Variants in ARHGAP39 observed in about 807,000 individuals in gnomAD.
ARHGAP39 encodes the protein rho GTPase-activating protein 39.
Under a neutral mutation model 106.9 loss-of-function variants are expected in ARHGAP39, and 44 were observed. That is an observed-to-expected ratio of 0.41 (90% CI 0.32 to 0.53). The LOEUF is 0.53. ARHGAP39 is among the 20% of genes least tolerant of loss of function. ARHGAP39 has a pLI of 0.21. For missense variants in ARHGAP39, 1,496 were observed against 1,577.3 expected (o/e 0.95, Z 0.87); for synonymous variants, 768 against 693.2 (o/e 1.11, Z -1.69).
At chr8:144,619,821 CCT>C (rs1262970996) in intron 1 of ARHGAP39, among the ~76,000 whole-genome samples, 4 of 128,334 alleles carry the variant, frequency 3.1e-5, no homozygotes, top group Non-Finnish European at 3.3e-5. Context: ...AGCTTGTGTC[CCT>C]GAGAGTGTGT....
chr8:144,538,964 T>C (rs1817075676), intron 6 of ARHGAP39, among the ~76,000 whole-genome samples: 1 of 125,740 alleles, frequency 8.0e-6, no homozygotes, highest in African/African-American at 2.5e-5. Context: ...GGGAACTCCT[T>C]CCGCTGGCCC....
chr8:144,637,216 A>G (rs1189487981), intron 1 of ARHGAP39, among the ~76,000 whole-genome samples: 5 of 152,130 alleles, frequency 3.3e-5, no homozygotes, highest in African/African-American at 1.2e-4. Context: ...CTTTTCTCCT[A>G]TTCTCCAACT....
intron 6 of ARHGAP39, among the ~76,000 whole-genome samples, chr8:144,542,956 A>G (rs564933527): frequency 2.8e-4 from 42 of 149,096 alleles, no homozygotes; most frequent in African/African-American, 9.6e-4. Flanking sequence ...CCAAAAAAAA[A>G]GGGGGGTCTT....
chr8:144,536,550 G>T (rs1002995003), intron 7 of ARHGAP39, among the ~76,000 whole-genome samples: 1 of 152,212 alleles, frequency 6.6e-6, no homozygotes, highest in Non-Finnish European at 1.5e-5. Flanking sequence ...CTCCTTCTAC[G>T]CTGCCCCAGA....
intron 3 of ARHGAP39, among the ~76,000 whole-genome samples, chr8:144,570,320 C>G (rs1449980522): frequency 6.6e-6 from 1 of 152,186 alleles, no homozygotes; most frequent in Non-Finnish European, 1.5e-5. Context: ...GCAATCTCGT[C>G]AATGACTGGA....
chr8:144,589,191 T>C (rs1819298741), intron 2 of ARHGAP39, among the ~76,000 whole-genome samples: 1 of 152,184 alleles, frequency 6.6e-6, no homozygotes, highest in African/African-American at 2.4e-5. Flanking sequence ...CCTGTGCCAT[T>C]TCCACGTAAA....
intron 1 of ARHGAP39, chr8:144,605,937 C>G (rs944204229): frequency 2.6e-6 from 1 of 385,486 alleles, no homozygotes; most frequent in Non-Finnish European, 4.9e-6. Context: ...CAGGATCCCC[C>G]CCATGCCAGT....
chr8:144,632,204 C>T (rs1821078391), intron 1 of ARHGAP39, among the ~76,000 whole-genome samples: 1 of 152,232 alleles, frequency 6.6e-6, no homozygotes, highest in African/African-American at 2.4e-5. Context: ...AAGATCCATG[C>T]ACTGTGAGTA....
Position 144,554,269 on chromosome 8 carries a change from A to G in ARHGAP39, c.596+1291T>C, listed in dbSNP as rs112135604. ...GGCCGAGCCACCAGAGTGGCCTGGT[A>G]GGTGTGAGGGGCAGGACGCTGGGGC... On this transcript the variant is annotated intron_variant, in intron 4 of 11. Transcript: ENST00000377307. Among the ~76,000 whole-genome samples, 965 of 152,278 alleles carry G rather than the reference A, an allele frequency of 6.3e-3. 13 individuals carry two copies. Among genetic ancestry groups the G allele is most frequent in the African/African-American group, 0.021 (875 of 41,564 alleles).
chr8:144,584,104 GT>G (rs1480191132), intron 2 of ARHGAP39: 6 of 152,258 alleles, frequency 3.9e-5, no homozygotes, highest in Admixed American at 6.5e-5. Flanking sequence ...CATGTATATA[GT>G]TGTCTAGAAA....
intron 2 of ARHGAP39, among the ~76,000 whole-genome samples, chr8:144,590,378 C>T (rs1486490825): frequency 1.1e-4 from 17 of 152,142 alleles, no homozygotes; most frequent in Non-Finnish European, 2.1e-4. Flanking sequence ...GTGCCTGGGT[C>T]GGGGCAGACC....
intron 1 of ARHGAP39, among the ~76,000 whole-genome samples, chr8:144,619,258 C>T (rs1820720678): frequency 1.3e-5 from 2 of 152,258 alleles, no homozygotes; most frequent in Non-Finnish European, 2.9e-5. Context: ...ACAGCATCTG[C>T]CTGGGCTGGC....
intron 4 of ARHGAP39, among the ~76,000 whole-genome samples, chr8:144,550,785 G>A (rs904742390): frequency 1.3e-5 from 2 of 152,246 alleles, no homozygotes; most frequent in Non-Finnish European, 2.9e-5. Context: ...CAGCCAGTGT[G>A]GCAGGGGCCA....
chr8:144,598,984 C>T (rs552085580), intron 2 of ARHGAP39, among the ~76,000 whole-genome samples: 15 of 152,288 alleles, frequency 9.8e-5, no homozygotes, highest in South Asian at 8.3e-4. Context: ...CAGTAATACA[C>T]GGAGGGTAAC....
Position 144,595,011 on chromosome 8 carries a change from C to T in ARHGAP39, c.80+10524G>A, listed in dbSNP as rs545291697. On this transcript the variant is annotated intron_variant, in intron 2 of 11. Transcript: ENST00000377307. Reference sequence around the variant, plus strand: ...GAGCTGTGATTGCACCTTCGCACTCCAGCCTGACAAGTACCAACCTTTCTC... The same window carrying T: ...GAGCTGTGATTGCACCTTCGCACTCTAGCCTGACAAGTACCAACCTTTCTC... Among the ~76,000 whole-genome samples, 61 of 152,320 alleles carry T rather than the reference C, an allele frequency of 4.0e-4. 1 individual carries two copies. Among genetic ancestry groups the T allele is most frequent in the African/African-American group, 1.3e-3 (55 of 41,552 alleles).
At chr8:144,614,438 C>T (rs771150220) in intron 1 of ARHGAP39, among the ~76,000 whole-genome samples, 75 of 152,028 alleles carry the variant, frequency 4.9e-4, no homozygotes, top group Non-Finnish European at 5.7e-4. Flanking sequence ...CTGCAACCTC[C>T]GCCTCCCGGG....
intron 4 of ARHGAP39, among the ~76,000 whole-genome samples, chr8:144,552,384 C>T (rs540119650): frequency 1.0e-3 from 158 of 152,378 alleles, no homozygotes; most frequent in African/African-American, 3.7e-3. Context: ...GAGAAGCGCG[C>T]GGCGGCAGCA....
At chr8:144,581,299 GCGGCT>G in intron 2 of ARHGAP39, 22 bp from the exon 3 acceptor site, 1 of 1,518,714 alleles carries the variant, frequency 6.6e-7, no homozygotes. Context: ...CAGGGTTAAG[GCGGCT>G]GGAGCCACGG....
chr8:144,545,306 G>T lies in ARHGAP39; in HGVS notation c.2464C>A (p.His822Asn). ...LAFFPPTPKFHSYLEGYIYRH... is the reference protein window; with the variant it reads ...LAFFPPTPKFNSYLEGYIYRH... ...TAGATGTAGCCTTCCAGGTAGGAGT[G>T]GAACTTGGGGGTGGGCGGGAAAAAG... Residue 822 changes from histidine to asparagine, a missense_variant, in exon 6 of 12, where the codon CAC (histidine) becomes AAC (asparagine). This residue lies in a region of ARHGAP39 where 470 missense variants were observed against 605.1 expected (regional missense o/e 0.78). Coordinates refer to ENST00000377307, the MANE Select transcript of ARHGAP39 (RefSeq NM_025251.3). The T allele has an allele frequency of 1.3e-6, 2 of 1,585,884 alleles. No individual in the cohort carries two copies. Among genetic ancestry groups the T allele is most frequent in the Non-Finnish European group, 1.7e-6 (2 of 1,161,512 alleles).
Sources: gnomAD v4.1 joint callset for allele counts (sites outside exome capture counted in the v4.1 genomes callset) on GRCh38, gnomAD v4.1.1 for gene constraint, gnomAD v4.1.1 regional missense constraint, MANE v1.5 for transcripts, NCBI Gene and HGNC (gene_info 2026-07-23, HGNC 2026-07-21) for gene names.